The following STX8 variants were observed in gnomAD, a reference collection of about 807,000 sequenced individuals.
STX8 encodes syntaxin-8.
A neutral mutation model predicts 37.5 loss-of-function variants in STX8; 23 were observed. The ratio of observed to expected loss-of-function variants is 0.61; its 90% CI spans 0.44 to 0.87. The LOEUF is 0.87. Ranked by LOEUF, STX8 falls within the 40% of genes least tolerant of loss-of-function variation. The pLI, the probability that STX8 is intolerant of heterozygous loss-of-function variation, is 0.00. For missense variants in STX8, 313 were observed against 284.7 expected (o/e 1.10, Z -0.71); for synonymous variants, 115 against 99.1 (o/e 1.16, Z -0.95).
chr17:9,299,326 A>G (rs1908679966), intron 7 of STX8, among the ~76,000 whole-genome samples: 1 of 151,940 alleles, frequency 6.6e-6, no homozygotes, highest in African/African-American at 2.4e-5. Context: ...GCTGAGCCTT[A>G]CTGTGTCTGC....
intron 6 of STX8, among the ~76,000 whole-genome samples, chr17:9,412,886 G>A (rs1913031424): frequency 6.6e-6 from 1 of 152,144 alleles, no homozygotes; most frequent in South Asian, 2.1e-4. Context: ...GGGTGTAGAG[G>A]AAGTAGAGAA....
chr17:9,430,133 AATAT>A (rs1226173512), intron 6 of STX8, among the ~76,000 whole-genome samples: 2 of 92,886 alleles, frequency 2.2e-5, no homozygotes, highest in African/African-American at 8.0e-5. Flanking sequence ...ATAAATATAA[AATAT>A]ATATAATTTA....
intron 6 of STX8, among the ~76,000 whole-genome samples, chr17:9,404,358 C>T (rs538527210): frequency 9.2e-5 from 14 of 152,200 alleles, no homozygotes; most frequent in African/African-American, 3.4e-4. Flanking sequence ...TTTCATTTCT[C>T]TAAAAATGTT....
At chr17:9,256,429 GA>G (rs1234572045) in intron 7 of STX8, among the ~76,000 whole-genome samples, 1 of 152,046 alleles carries the variant, frequency 6.6e-6, no homozygotes, top group African/African-American at 2.4e-5. Flanking sequence ...TTTTATGATG[GA>G]AAATTTTAAA....
At chr17:9,379,108 G>C (rs996004922) in intron 6 of STX8, among the ~76,000 whole-genome samples, 1 of 152,010 alleles carries the variant, frequency 6.6e-6, no homozygotes, top group African/African-American at 2.4e-5. Flanking sequence ...AGCCGGGTGT[G>C]GTGGTGTGCA....
chr17:9,307,798 T>C (rs543335060), intron 7 of STX8, among the ~76,000 whole-genome samples: 1 of 152,154 alleles, frequency 6.6e-6, no homozygotes, highest in East Asian at 1.9e-4. Context: ...TTCCTGCCCC[T>C]CTTTGTCCTC....
chr17:9,359,135 C>T (rs1029837529), intron 7 of STX8, among the ~76,000 whole-genome samples: 5 of 151,780 alleles, frequency 3.3e-5, no homozygotes, highest in African/African-American at 7.3e-5. Context: ...CTCCATCTCC[C>T]GGGTTCAAGA....
chr17:9,561,556 C>T (rs993233651), intron 2 of STX8, among the ~76,000 whole-genome samples: 3 of 148,284 alleles, frequency 2.0e-5, no homozygotes, highest in Non-Finnish European at 4.4e-5. Flanking sequence ...CTACTTGGGA[C>T]GCTGTGGCAG....
At chr17:9,477,032 A>G (rs1457881794) in intron 6 of STX8, among the ~76,000 whole-genome samples, 2 of 151,774 alleles carry the variant, frequency 1.3e-5, no homozygotes, top group Non-Finnish European at 2.9e-5. Flanking sequence ...TATTATTATT[A>G]TTTCTTGTAG....
intron 7 of STX8, among the ~76,000 whole-genome samples, chr17:9,318,489 GTAAA>G (rs1243499442): frequency 1.3e-5 from 2 of 152,144 alleles, no homozygotes; most frequent in African/African-American, 4.8e-5. Flanking sequence ...CACTTGGAAA[GTAAA>G]TGACCCACAC....
intron 4 of STX8, among the ~76,000 whole-genome samples, chr17:9,522,348 G>A (rs1290057237): frequency 6.6e-6 from 1 of 152,062 alleles, no homozygotes; most frequent in Non-Finnish European, 1.5e-5. Flanking sequence ...CATGATGCAT[G>A]CAACATGCTT....
At chr17:9,435,792 T>C (rs1364812978) in intron 6 of STX8, among the ~76,000 whole-genome samples, 2 of 152,242 alleles carry the variant, frequency 1.3e-5, no homozygotes, top group Non-Finnish European at 2.9e-5. Flanking sequence ...GGTTTAAGTA[T>C]ATGAGGTAAC....
At chr17:9,451,430 T>C (rs1328313970) in intron 6 of STX8, among the ~76,000 whole-genome samples, 1 of 152,202 alleles carries the variant, frequency 6.6e-6, no homozygotes, top group East Asian at 1.9e-4. Flanking sequence ...ACTAATTCCC[T>C]TTGGAAACCA....
At chr17:9,274,715 A>AATAATAATAAT (rs1555586560) in intron 7 of STX8, among the ~76,000 whole-genome samples, 295 of 101,540 alleles carry the variant, frequency 2.9e-3, no homozygotes, top group East Asian at 7.9e-3. Flanking sequence ...TAATAATAAT[A>AATAATAATAAT]AACAAAGTCT....
chr17:9,317,819 A>C (rs1316507288), intron 7 of STX8, among the ~76,000 whole-genome samples: 1 of 151,954 alleles, frequency 6.6e-6, no homozygotes, highest in Non-Finnish European at 1.5e-5. Flanking sequence ...CAAATCAAGC[A>C]AACTATCTCT....
intron 2 of STX8, 104 bp downstream of exon 2, chr17:9,568,264 GATC>G: frequency 2.7e-6 from 2 of 750,426 alleles, no homozygotes; most frequent in South Asian, 3.7e-5. Flanking sequence ...TAAGCAGATA[GATC>G]ATCATACACA....
intron 4 of STX8, among the ~76,000 whole-genome samples, chr17:9,541,908 C>T (rs1469230763): frequency 6.6e-6 from 1 of 152,198 alleles, no homozygotes; most frequent in Admixed American, 6.5e-5. Flanking sequence ...CTGCCACCTA[C>T]TAAAACCACC....
intron 6 of STX8, among the ~76,000 whole-genome samples, chr17:9,457,347 CACACT>C (rs1166314321): frequency 6.6e-6 from 1 of 152,200 alleles, no homozygotes; most frequent in Admixed American, 6.5e-5. Context: ...AGGGGCTGCC[CACACT>C]CCTTGGCTTG....
At chr17:9,346,173 G>A (rs575625128) in intron 7 of STX8, among the ~76,000 whole-genome samples, 1 of 152,160 alleles carries the variant, frequency 6.6e-6, no homozygotes, top group African/African-American at 2.4e-5. Flanking sequence ...ATTAAGACCA[G>A]GAAGAGTAAT....
Sources: gnomAD v4.1 joint callset for allele counts (sites outside exome capture counted in the v4.1 genomes callset) on GRCh38, gnomAD v4.1.1 for gene constraint, MANE v1.5 for transcripts, NCBI Gene and HGNC (gene_info 2026-07-23, HGNC 2026-07-21) for gene names.